Variants in PAK3 observed in about 807,000 individuals in gnomAD.
PAK3 encodes p21 (RAC1) activated kinase 3, also known as serine/threonine-protein kinase PAK 3.
Under a neutral mutation model 41.0 loss-of-function variants are expected in PAK3, and 4 were observed. That is an observed-to-expected ratio of 0.10 (90% CI 0.05 to 0.22). The LOEUF (loss-of-function observed/expected upper bound fraction) is 0.22, where lower values mean the gene tolerates loss of function less well. Among genes scored for constraint, PAK3 ranks in the 10% least tolerant of loss-of-function variants. PAK3 has a pLI of 1.00. For synonymous variants in PAK3, 146 were observed against 139.6 expected (o/e 1.05, Z -0.32); for missense variants, 205 against 409.9 (o/e 0.50, Z 4.32).
At chrX:111,146,438 T>C (rs2093945224) in intron 6 of PAK3, 7 of 642,527 alleles carry the variant, frequency 1.1e-5, no homozygotes, top group Admixed American at 1.1e-4. Context: ...TTCAGACCCA[T>C]TGGTTTCATC....
At chrX:110,996,009 G>A (rs1220608100) in intron 1 of PAK3, among the ~76,000 whole-genome samples, 3 of 111,612 alleles carry the variant, frequency 2.7e-5, no homozygotes, top group Non-Finnish European at 5.6e-5. Context: ...TTGTCCCCAC[G>A]TTATTCTCAA....
At chrX:111,174,971 T>A (rs963395179) in intron 11 of PAK3, among the ~76,000 whole-genome samples, 4 of 111,592 alleles carry the variant, frequency 3.6e-5, no homozygotes, top group Non-Finnish European at 7.5e-5. Context: ...GGTGGACTTG[T>A]TGTTTTGCTT....
chrX:110,944,990 A>G (rs2090582232), intron 1 of PAK3, among the ~76,000 whole-genome samples: 1 of 112,124 alleles, frequency 8.9e-6, no homozygotes, highest in Non-Finnish European at 1.9e-5. Context: ...CCAGCCGGGC[A>G]CCTGGGTGCC....
At chrX:111,113,405 G>A (rs1300602506) in intron 4 of PAK3, among the ~76,000 whole-genome samples, 1 of 111,310 alleles carries the variant, frequency 9.0e-6, no homozygotes, top group Non-Finnish European at 1.9e-5. Flanking sequence ...GAATGTTGGT[G>A]GTGGGAGGAT....
chrX:110,990,070 C>T (rs1002830409), intron 1 of PAK3, among the ~76,000 whole-genome samples: 1 of 111,723 alleles, frequency 9.0e-6, no homozygotes, highest in Non-Finnish European at 1.9e-5. Flanking sequence ...CGGTGTCTTC[C>T]GGCAGAGTCA....
At chrX:110,961,477 C>A (rs375862968) in intron 1 of PAK3, among the ~76,000 whole-genome samples, 2 of 111,787 alleles carry the variant, frequency 1.8e-5, no homozygotes, top group East Asian at 5.6e-4. Flanking sequence ...ACCCCAAGCT[C>A]CTGCCCTTCT....
At chrX:111,158,766 T>C (rs1311755931) in intron 8 of PAK3, among the ~76,000 whole-genome samples, 1 of 112,203 alleles carries the variant, frequency 8.9e-6, no homozygotes, top group Non-Finnish European at 1.9e-5. Context: ...TCCTTGGAGA[T>C]GGGGAATGGT....
In PAK3 at chrX:111,220,317, G is replaced by A. The variant is rs1313313915; in HGVS notation, c.1546-41G>A. On this transcript the variant is annotated intron_variant, in intron 17 of 17. Transcript: ENST00000372007. ...ATGTAAAGTAATATACTTGTTGGAG[G>A]AAAGAATTCCAATAATTCCTCTTTT... 1.4e-5 allele frequency: 12 copies of A among 872,978 alleles called. No homozygotes were observed. In the Admixed American group the frequency reaches 2.7e-4, roughly 20 times the overall value. The allele number at this position is 872,978 out of a possible 1,213,427, so 71.9% of individuals were successfully genotyped here.
In PAK3 at chrX:111,215,348, C is replaced by T. The variant is rs183191919; in HGVS notation, c.1408-1073C>T. Among the ~76,000 whole-genome samples the T allele has an allele frequency of 4.8e-3, 534 of 111,002 alleles. 1 individual carries two copies. Among genetic ancestry groups the T allele is most frequent in the African/African-American group, 0.012 (374 of 30,492 alleles). Reference sequence around the variant, plus strand: ...CCGAGGTGGGTGGATCATTTAAGTTCGGGAGTTCAAGACCAGCCTGGCCAA... The same window carrying T: ...CCGAGGTGGGTGGATCATTTAAGTTTGGGAGTTCAAGACCAGCCTGGCCAA... On this transcript the variant is annotated intron_variant, in intron 16 of 17. Coordinates refer to ENST00000372007, the MANE Select transcript of PAK3 (RefSeq NM_002578.5).
chrX:111,163,969 A>G (rs753283814), intron 10 of PAK3, among the ~76,000 whole-genome samples: 4 of 112,075 alleles, frequency 3.6e-5, no homozygotes, highest in African/African-American at 1.3e-4. Context: ...AATTGATAAG[A>G]CAAATTAAGT....
At chrX:111,159,326 A>T (rs2094142636) in intron 8 of PAK3, among the ~76,000 whole-genome samples, 1 of 111,593 alleles carries the variant, frequency 9.0e-6, no homozygotes, top group African/African-American at 3.3e-5. Flanking sequence ...TTAATTAAAC[A>T]TTAATTAATT....
intron 1 of PAK3, among the ~76,000 whole-genome samples, chrX:111,074,286 G>A (rs758030645): frequency 9.0e-6 from 1 of 111,405 alleles, no homozygotes; most frequent in Non-Finnish European, 1.9e-5. Flanking sequence ...GGAGGTTATT[G>A]GATCATGGGG....
intron 1 of PAK3, among the ~76,000 whole-genome samples, chrX:111,082,209 G>T (rs895225667): frequency 8.9e-6 from 1 of 111,836 alleles, no homozygotes; most frequent in Non-Finnish European, 1.9e-5. Flanking sequence ...TGACATTCAC[G>T]AAGAGAGTGA....
In PAK3 at chrX:111,076,417, T is replaced by C. The variant is rs1245323371; in HGVS notation, c.-27-46660T>C. On this transcript the variant is annotated intron_variant, in intron 1 of 14. Transcript: ENST00000425146. ...TGCAATTCATACACGTAAGATCTGG[T>C]TGTTTAAAACAGGCTGTGTCCTCCC... 3.6e-5 allele frequency among the ~76,000 whole-genome samples: 4 copies of C among 111,520 alleles called. No homozygotes were observed. In the South Asian group the frequency reaches 1.1e-3, roughly 32 times the overall value.
chrX:110,959,456 C>A (rs776614229), intron 1 of PAK3, among the ~76,000 whole-genome samples: 9 of 111,827 alleles, frequency 8.0e-5, no homozygotes, highest in Non-Finnish European at 1.3e-4. Context: ...ATCTATGTTG[C>A]ATATCAACAA....
chrX:111,089,219 A>G (rs2092911974), intron 1 of PAK3, among the ~76,000 whole-genome samples: 1 of 111,772 alleles, frequency 8.9e-6, no homozygotes, highest in African/African-American at 3.3e-5. Context: ...TATTGGGGGA[A>G]CTCGGTGAAA....
At position 111,203,402 on chromosome X, in the gene PAK3, G is replaced by A. The variant is rs188037577; in HGVS notation, c.1407+6762G>A. Among the ~76,000 whole-genome samples the A allele has an allele frequency of 4.5e-5, 5 of 111,539 alleles. No homozygotes were observed. In the East Asian group the frequency reaches 1.4e-3, roughly 31 times the overall value. On this transcript the variant is annotated intron_variant, in intron 16 of 17. Coordinates refer to ENST00000372007, the MANE Select transcript of PAK3 (RefSeq NM_002578.5). Reference sequence around the variant, plus strand: ...TTTCTTTTGCAATTTTGCTTCTTCTGAAAATGGAGTTCATCATTAAAATGG... The same window carrying A: ...TTTCTTTTGCAATTTTGCTTCTTCTAAAAATGGAGTTCATCATTAAAATGG...
chrX:111,107,881 A>T (rs2093302256), intron 4 of PAK3, among the ~76,000 whole-genome samples: 1 of 112,215 alleles, frequency 8.9e-6, no homozygotes, highest in Non-Finnish European at 1.9e-5. Flanking sequence ...TTATCAATAC[A>T]GACCCAGTGT....
chrX:111,137,461 T>G (rs1184329105), intron 5 of PAK3, among the ~76,000 whole-genome samples: 1 of 110,620 alleles, frequency 9.0e-6, no homozygotes, highest in Non-Finnish European at 1.9e-5. Context: ...GCATCTCTCT[T>G]TTTTTTTAAG....
Sources: gnomAD v4.1 joint callset for allele counts (sites outside exome capture counted in the v4.1 genomes callset) on GRCh38, gnomAD v4.1.1 for gene constraint, MANE v1.5 for transcripts, NCBI Gene and HGNC (gene_info 2026-07-23, HGNC 2026-07-21) for gene names.